PRDM2: variants seen among roughly 807,000 people sequenced by gnomAD.
PRDM2 encodes the protein PR/SET domain 2.
Under a neutral mutation model 130.0 loss-of-function variants are expected in PRDM2, and 30 were observed. That is an observed-to-expected ratio of 0.23 (90% CI 0.17 to 0.31). PRDM2 has a LOEUF of 0.31. PRDM2 is among the 10% of genes least tolerant of loss of function. PRDM2 has a pLI of 1.00. For missense variants in PRDM2, 2,011 were observed against 2,108.4 expected (o/e 0.95, Z 0.90); for synonymous variants, 871 against 782.4 (o/e 1.11, Z -1.89).
At chr1:13,723,556 C>T (rs1642803287) in intron 2 of PRDM2, among the ~76,000 whole-genome samples, 1 of 152,242 alleles carries the variant, frequency 6.6e-6, no homozygotes, top group African/African-American at 2.4e-5. Context: ...ACCCTCACTT[C>T]CTGGAGTCTT....
chr1:13,816,599 C>T, intron 9 of PRDM2, 29 bp downstream of exon 9: 1 of 1,611,444 alleles, frequency 6.2e-7, no homozygotes, highest in Non-Finnish European at 8.5e-7. Context: ...CAGCTTCTGG[C>T]ACTGTTTGGG....
intron 8 of PRDM2, chr1:13,787,699 T>G (rs1644769670): frequency 1.0e-6 from 1 of 984,498 alleles, no homozygotes; most frequent in African/African-American, 1.7e-5. Flanking sequence ...ATATGTGATT[T>G]ACATTTCACT....
At chr1:13,751,568 T>G (rs181449445) in intron 6 of PRDM2, among the ~76,000 whole-genome samples, 1 of 152,164 alleles carries the variant, frequency 6.6e-6, no homozygotes, top group East Asian at 1.9e-4. Context: ...TTAGGTCTTA[T>G]GTGTGACCTC....
chr1:13,765,551 C>T (rs867687565), intron 6 of PRDM2, among the ~76,000 whole-genome samples: 7 of 152,092 alleles, frequency 4.6e-5, no homozygotes, highest in African/African-American at 9.6e-5. Context: ...CTGCAGCCTC[C>T]GCCTCCTGGG....
intron 6 of PRDM2, among the ~76,000 whole-genome samples, chr1:13,758,876 G>A (rs1029911789): frequency 6.6e-6 from 1 of 152,142 alleles, no homozygotes; most frequent in Non-Finnish European, 1.5e-5. Context: ...TAGTTTCAGA[G>A]GCAAGAGATT....
chr1:13,778,859 T>A lies in PRDM2; in HGVS notation c.1064T>A (p.Phe355Tyr). ...RTKEEANGDV[F>Y]ETFMFPCQHC... ...AAAGAAGAGGCCAATGGTGATGTATTTGAAACGTTTATGTTTCCGTGTCAA... is the reference window on the plus strand; with the variant it reads ...AAAGAAGAGGCCAATGGTGATGTATATGAAACGTTTATGTTTCCGTGTCAA... Residue 355 changes from phenylalanine (F) to tyrosine (Y), a missense_variant, in exon 8 of 10, where the codon TTT becomes TAT. This residue lies in a region of PRDM2 where 1,288 missense variants were observed against 1,237.7 expected (regional missense o/e 1.04). Coordinates refer to ENST00000311066, the MANE Select transcript of PRDM2 (RefSeq NM_001393986.1). 1 of 1,614,202 alleles carries A rather than the reference T, an allele frequency of 6.2e-7. No individual in the cohort carries two copies. Among genetic ancestry groups the A allele is most frequent in the South Asian group, 1.1e-5 (1 of 91,076 alleles).
chr1:13,783,350 A>G (rs552442938), intron 8 of PRDM2: 14 of 362,102 alleles, frequency 3.9e-5, no homozygotes, highest in African/African-American at 3.0e-4. Flanking sequence ...CATCGGTCAA[A>G]ACAAAACATA....
In PRDM2 at chr1:13,751,009, C is replaced by T. The variant is rs188124193; in HGVS notation, c.511+1522C>T. 2.8e-4 allele frequency among the ~76,000 whole-genome samples: 43 copies of T among 152,280 alleles called. No homozygotes were observed. In the East Asian group the frequency reaches 4.6e-3, roughly 16 times the overall value. ...CCACTAATCATAACTAACTCCTGTA[C>T]TTAAATAGATTTGTAGTTTAATAGC... On this transcript the variant is annotated intron_variant, in intron 6 of 9. Transcript: ENST00000311066.
chr1:13,704,276 AC>A (rs1642145536), intron 1 of PRDM2, among the ~76,000 whole-genome samples: 1 of 127,810 alleles, frequency 7.8e-6, no homozygotes, highest in African/African-American at 3.0e-5. Context: ...TTCATTCCCC[AC>A]CCCCACCTTC....
At chr1:13,768,074 GTTTTT>G (rs774757778) in intron 6 of PRDM2, among the ~76,000 whole-genome samples, 1 of 117,754 alleles carries the variant, frequency 8.5e-6, no homozygotes, top group Middle Eastern at 4.5e-3. Context: ...TTGTCCTTGA[GTTTTT>G]TTTTTTTTTT....
chr1:13,729,102 G>T (rs1643019328), intron 2 of PRDM2, among the ~76,000 whole-genome samples: 1 of 152,192 alleles, frequency 6.6e-6, no homozygotes, highest in African/African-American at 2.4e-5. Flanking sequence ...TCCCTGCTCT[G>T]TGTGGAGAGG....
chr1:13,819,372 C>T (rs1009545242), intron 9 of PRDM2, among the ~76,000 whole-genome samples: 4 of 152,150 alleles, frequency 2.6e-5, no homozygotes, highest in African/African-American at 4.8e-5. Flanking sequence ...CCAAGCGAAG[C>T]GATCAAATGA....
At chr1:13,736,311 A>C (rs1402464263) in intron 4 of PRDM2, among the ~76,000 whole-genome samples, 1 of 151,576 alleles carries the variant, frequency 6.6e-6, no homozygotes, top group Non-Finnish European at 1.5e-5. Flanking sequence ...ATGGGGTTTC[A>C]CCATGTTGCC....
At chr1:13,754,743 A>G (rs1203681) in intron 6 of PRDM2, among the ~76,000 whole-genome samples, 26,527 of 152,238 alleles carry the variant, frequency 0.17, 2,918 homozygotes, top group Admixed American at 0.24. Flanking sequence ...GATGGGCCCT[A>G]TGCCTACTGG....
In PRDM2 at chr1:13,770,523, A is replaced by ATT. The variant is rs201815019; in HGVS notation, c.512-2547_512-2546dup. Among the ~76,000 whole-genome samples the ATT allele has an allele frequency of 4.0e-5, 6 of 149,924 alleles. No individual in the cohort carries two copies. The East Asian group carries it at 1.2e-3, about 29-fold the overall frequency. ...TGGGAGGTTGTAGAAAAATCTTTGC[A>ATT]TTTTTTTTTGCAAGTGACTGTATTA... On this transcript the variant is annotated intron_variant, in intron 6 of 9. Coordinates refer to ENST00000311066, the MANE Select transcript of PRDM2 (RefSeq NM_001393986.1).
At chr1:13,701,905 G>T (rs1265393695) in intron 1 of PRDM2, among the ~76,000 whole-genome samples, 1 of 152,180 alleles carries the variant, frequency 6.6e-6, no homozygotes, top group Non-Finnish European at 1.5e-5. Context: ...TGAAAGGTTG[G>T]TATGTTCAGG....
At chr1:13,729,629 C>T (rs1368164827) in intron 2 of PRDM2, among the ~76,000 whole-genome samples, 2 of 152,106 alleles carry the variant, frequency 1.3e-5, no homozygotes, top group African/African-American at 4.8e-5. Context: ...CACACTTTAG[C>T]TAATTAAAAA....
intron 2 of PRDM2, among the ~76,000 whole-genome samples, chr1:13,716,572 A>G (rs1273990371): frequency 6.6e-6 from 1 of 152,324 alleles, no homozygotes; most frequent in East Asian, 1.9e-4. Context: ...CAAGAGGGCA[A>G]ATATTGAAAT....
At position 13,715,602 on chromosome 1, in the gene PRDM2, G is replaced by A; in HGVS notation, c.-4G>A. ...ATCTTTACAGAACACAACAGGAATT[G>A]AAAATGAATCAGGTGAGTTTAAAAA... On this transcript the variant is annotated 5_prime_UTR_variant, in exon 2 of 10. Coordinates refer to ENST00000311066, the MANE Select transcript of PRDM2 (RefSeq NM_001393986.1). 2 of 1,591,378 alleles carry A rather than the reference G, an allele frequency of 1.3e-6. No homozygotes were observed. The highest frequency in any genetic ancestry group is 2.3e-5 in the South Asian group (2 of 87,372).
Sources: allele counts gnomAD v4.1 joint callset (sites outside exome capture counted in the v4.1 genomes callset), GRCh38; gene constraint gnomAD v4.1.1; regional missense constraint gnomAD v4.1.1; transcripts MANE v1.5; gene names NCBI Gene and HGNC (gene_info 2026-07-23, HGNC 2026-07-21).